PDCD6IP: variants seen among roughly 807,000 people sequenced by gnomAD.
The protein encoded by PDCD6IP is programmed cell death 6 interacting protein.
A neutral mutation model predicts 103.7 loss-of-function variants in PDCD6IP; 43 were observed. That is an observed-to-expected ratio of 0.41 (90% CI 0.32 to 0.53). PDCD6IP has a LOEUF of 0.53. PDCD6IP is among the 20% of genes least tolerant of loss of function. The pLI is 0.16. For missense variants in PDCD6IP, 871 were observed against 1,036.7 expected (o/e 0.84, Z 2.20); for synonymous variants, 354 against 378.7 (o/e 0.93, Z 0.76).
rs772244932 is a variant in PDCD6IP, at chr3:33,822,041, G to A, written c.421G>A (p.Asp141Asn). 1.2e-6 allele frequency: 2 copies of A among 1,614,118 alleles called. No individual in the cohort carries two copies. The highest frequency in any genetic ancestry group is 2.2e-5 in the East Asian group (1 of 44,874). ...CCAAATTGCAGCAGAACAGAACCTG[G>A]ATAATGATGAAGGATTGAAAATCGC... ...ASQIAAEQNL[D>N]NDEGLKIAAK... The change falls in exon 4 of 18, where the codon GAT becomes AAT. Residue 141 changes from aspartate to asparagine, a missense_variant. This residue lies in a region of PDCD6IP where 47 missense variants were observed against 83.7 expected (regional missense o/e 0.56). Coordinates refer to ENST00000307296, the MANE Select transcript of PDCD6IP (RefSeq NM_013374.6).
intron 1 of PDCD6IP, among the ~76,000 whole-genome samples, chr3:33,800,771 G>A (rs1477567189): frequency 6.6e-6 from 1 of 152,192 alleles, no homozygotes; most frequent in Non-Finnish European, 1.5e-5. Flanking sequence ...AATGAGCCCT[G>A]TGATAAAAAT....
chr3:33,811,373 C>T (rs1023067841), intron 1 of PDCD6IP, among the ~76,000 whole-genome samples: 1 of 152,102 alleles, frequency 6.6e-6, no homozygotes, highest in African/African-American at 2.4e-5. Flanking sequence ...CAAAAATACC[C>T]CTGATGAAGG....
intron 1 of PDCD6IP, among the ~76,000 whole-genome samples, chr3:33,802,063 A>G (rs1299290791): frequency 6.6e-6 from 1 of 152,236 alleles, no homozygotes; most frequent in African/African-American, 2.4e-5. Context: ...GTTGGCAGGT[A>G]GGTAGTTCTG....
At chr3:33,848,255 A>G (rs1697637162) in intron 12 of PDCD6IP, among the ~76,000 whole-genome samples, 1 of 152,222 alleles carries the variant, frequency 6.6e-6, no homozygotes, top group Non-Finnish European at 1.5e-5. Flanking sequence ...TAAAGAGACA[A>G]AAAACTCCTC....
rs1179023538 is a variant in PDCD6IP at position 33,864,044 on chromosome 3, C to T, written c.2159C>T (p.Pro720Leu). The change falls in exon 16 of 18, where the codon CCT becomes CTT. Residue 720 changes from proline (P) to leucine (L), a missense_variant. Around this residue, in one of 5 missense-constraint regions of PDCD6IP, gnomAD observed 202 missense variants for 205.2 expected, o/e 0.98. Transcript: ENST00000307296. ...AGCATTGCCAGAGAACCTAGTGCTC[C>T]TTCAATTCCTACACCTGCGTATCAG... ...QQSIAREPSA[P>L]SIPTPAYQSS... 4.3e-6 allele frequency: 7 copies of T among 1,613,902 alleles called. No individual in the cohort carries two copies.
In PDCD6IP at chr3:33,845,601, C is replaced by T. The variant is rs1267056663; in HGVS notation, c.1641+13C>T. On this transcript the variant is annotated intron_variant, in intron 12 of 17. Coordinates refer to ENST00000307296, the MANE Select transcript of PDCD6IP (RefSeq NM_013374.6). Reference sequence around the variant, plus strand: ...GCAGGGCAGTGAGGTAAGAAGGACACTTTGATGTAGGTTGTCATCTGCTTA... The same window carrying T: ...GCAGGGCAGTGAGGTAAGAAGGACATTTTGATGTAGGTTGTCATCTGCTTA... 4 of 1,579,136 alleles carry T rather than the reference C, an allele frequency of 2.5e-6. No homozygotes were observed. In the East Asian group the frequency reaches 6.8e-5, roughly 27 times the overall value.
intron 3 of PDCD6IP, 141 bp from the exon 4 acceptor site, chr3:33,821,814 T>C: frequency 1.4e-6 from 1 of 702,470 alleles, no homozygotes; most frequent in South Asian, 2.0e-5. Flanking sequence ...TATGGGAGCA[T>C]ATGACAGCAA....
intron 1 of PDCD6IP, among the ~76,000 whole-genome samples, chr3:33,811,863 T>C (rs1036346100): frequency 6.6e-6 from 1 of 152,248 alleles, no homozygotes; most frequent in African/African-American, 2.4e-5. Flanking sequence ...AATATTTTTC[T>C]GTGGTGGTGG....
At chr3:33,829,006 T>G (rs1697189423) in intron 7 of PDCD6IP, 37 bp downstream of exon 7, 1 of 1,503,142 alleles carries the variant, frequency 6.7e-7, no homozygotes, top group Non-Finnish European at 8.9e-7. Context: ...AGTAACTAAC[T>G]TGGATCTCTC....
intron 15 of PDCD6IP, among the ~76,000 whole-genome samples, chr3:33,863,476 CT>C (rs1697997600): frequency 1.3e-5 from 2 of 152,172 alleles, no homozygotes; most frequent in Admixed American, 6.5e-5. Context: ...ACTCTGTCTC[CT>C]TGTTTTTAGC....
intron 3 of PDCD6IP, among the ~76,000 whole-genome samples, chr3:33,821,451 TG>T (rs1376347018): frequency 6.6e-6 from 1 of 151,852 alleles, no homozygotes; most frequent in Non-Finnish European, 1.5e-5. Flanking sequence ...TAATCAGAGT[TG>T]GGTTTTAGCC....
At chr3:33,864,267 G>A in intron 16 of PDCD6IP, 138 bp downstream of exon 16, 1 of 615,398 alleles carries the variant, frequency 1.6e-6, no homozygotes. Context: ...CTGATATTTT[G>A]CAATATGTAG....
intron 3 of PDCD6IP, among the ~76,000 whole-genome samples, chr3:33,816,376 C>T (rs1314933256): frequency 4.0e-5 from 6 of 151,754 alleles, no homozygotes; most frequent in South Asian, 2.1e-4. Flanking sequence ...TAGTGGCGCA[C>T]GCCTTGTAAT....
chr3:33,854,845 C>T (rs1449738365), intron 14 of PDCD6IP: 1 of 161,450 alleles, frequency 6.2e-6, no homozygotes, highest in South Asian at 1.9e-4. Context: ...CTAATCCTTC[C>T]ACTTAAATAG....
intron 10 of PDCD6IP, among the ~76,000 whole-genome samples, chr3:33,842,907 C>G (rs1453150494): frequency 6.6e-6 from 1 of 152,092 alleles, no homozygotes; most frequent in Admixed American, 6.5e-5. Flanking sequence ...ATTTCCTGTA[C>G]TTATTTGTGG....
chr3:33,854,009 C>T lies in PDCD6IP; in HGVS notation c.2021C>T (p.Thr674Ile), dbSNP rs1391027761. ...CTTGTAGCTAATTTGAAGGAAGGCA[C>T]AAAGGTATGAAGTACATGCAAAAGG... is the stretch of plus-strand genomic sequence containing the variant. Reference protein sequence around the residue: ...VELVANLKEGTKFYNELTEIL... With the variant: ...VELVANLKEGIKFYNELTEIL... Residue 674 changes from threonine to isoleucine, a missense_variant, in exon 14 of 18, where the codon ACA becomes ATA. By Grantham distance (89) the Thr-to-Ile change is moderately conservative (BLOSUM62 -1). Coordinates refer to ENST00000307296, the MANE Select transcript of PDCD6IP (RefSeq NM_013374.6). 1 of 1,580,078 alleles carries T rather than the reference C, an allele frequency of 6.3e-7. No homozygotes were observed. Among genetic ancestry groups the T allele is most frequent in the Non-Finnish European group, 8.6e-7 (1 of 1,168,718 alleles).
chr3:33,846,078 T>TA (rs1697585587), intron 12 of PDCD6IP, among the ~76,000 whole-genome samples: 1 of 152,160 alleles, frequency 6.6e-6, no homozygotes, highest in South Asian at 2.1e-4. Context: ...GAAAATTGAA[T>TA]AGTAGGGCAT....
intron 3 of PDCD6IP, among the ~76,000 whole-genome samples, chr3:33,814,675 A>T (rs949808226): frequency 1.2e-4 from 16 of 138,852 alleles, no homozygotes; most frequent in African/African-American, 4.4e-4. Flanking sequence ...GTATGTATAT[A>T]TGTGTATATA....
chr3:33,840,535 G>A (rs1277341698), intron 9 of PDCD6IP, among the ~76,000 whole-genome samples: 1 of 152,218 alleles, frequency 6.6e-6, no homozygotes, highest in Non-Finnish European at 1.5e-5. Context: ...TAACAAGAAA[G>A]GAATGTAAGT....
Sources: gnomAD v4.1 joint callset for allele counts (sites outside exome capture counted in the v4.1 genomes callset) on GRCh38, gnomAD v4.1.1 for gene constraint, gnomAD v4.1.1 regional missense constraint, MANE v1.5 for transcripts, NCBI Gene and HGNC (gene_info 2026-07-23, HGNC 2026-07-21) for gene names.